The following PRDM6 variants were observed in gnomAD, a reference collection of about 807,000 sequenced individuals.
PRDM6 encodes the protein PR/SET domain 6.
Under a neutral mutation model 60.8 loss-of-function variants are expected in PRDM6, and 25 were observed. The ratio of observed to expected loss-of-function variants is 0.41; its 90% confidence interval spans 0.30 to 0.57. The LOEUF (loss-of-function observed/expected upper bound fraction) is 0.57, where lower values mean the gene tolerates loss of function less well. Among genes scored for constraint, PRDM6 ranks in the 20% least tolerant of loss-of-function variants. The probability of loss-of-function intolerance (pLI) is 0.27; values close to 1 mark genes in which losing one functional copy is unlikely to be tolerated. For missense variants in PRDM6, 839 were observed against 821.3 expected, an observed-to-expected ratio of 1.02 and a Z score of -0.26; for synonymous variants, 407 against 357.4, an observed-to-expected ratio of 1.14 and a Z score of -1.57.
intron 3 of PRDM6, among the ~76,000 whole-genome samples, chr5:123,134,313 A>G (rs868277605): frequency 5.3e-5 from 8 of 152,156 alleles, no homozygotes; most frequent in Middle Eastern, 3.2e-3. Flanking sequence ...ACCGAAAAGA[A>G]TGTGAATGCA....
At chr5:123,149,762 AAACTATT>A (rs1765331694) in intron 3 of PRDM6, among the ~76,000 whole-genome samples, 1 of 152,240 alleles carries the variant, frequency 6.6e-6, no homozygotes. Flanking sequence ...GATAAAATAT[AAACTATT>A]AACACGTCAA....
chr5:123,114,139 T>TAG (rs1764378235), intron 3 of PRDM6, among the ~76,000 whole-genome samples: 1 of 152,178 alleles, frequency 6.6e-6, no homozygotes, highest in African/African-American at 2.4e-5. Context: ...CTGGAGAACA[T>TAG]AGATGGCTAA....
rs142412847 is a variant in PRDM6, at chr5:123,177,112, G to T, written c.1497-3035G>T. Among the ~76,000 whole-genome samples, 269 of 152,304 alleles carry T rather than the reference G, an allele frequency of 1.8e-3. 2 individuals carry two copies. Among genetic ancestry groups the T allele is most frequent in the African/African-American group, 6.2e-3 (259 of 41,574 alleles). ...CCTGAGATTCCAAAGTGATGAAAAT[G>T]TTTCCTAAGCTCTGCTGTTGGGCCT... On this transcript the variant is annotated intron_variant, in intron 6 of 7. Transcript: ENST00000407847.
intron 3 of PRDM6, among the ~76,000 whole-genome samples, chr5:123,151,367 C>T (rs552714745): frequency 2.6e-5 from 4 of 152,252 alleles, no homozygotes; most frequent in African/African-American, 7.2e-5. Context: ...GGAGCAGATT[C>T]ATGATTAAGT....
At chr5:123,178,477 C>T (rs1009325033) in intron 6 of PRDM6, among the ~76,000 whole-genome samples, 8 of 152,122 alleles carry the variant, frequency 5.3e-5, no homozygotes, top group Admixed American at 2.0e-4. Flanking sequence ...ACATTTTCAT[C>T]TACATATAAT....
intron 2 of PRDM6, among the ~76,000 whole-genome samples, chr5:123,095,041 A>T (rs1763926629): frequency 6.6e-6 from 1 of 152,128 alleles, no homozygotes; most frequent in Non-Finnish European, 1.5e-5. Context: ...AGAGTTCCTG[A>T]GAGAATTCCC....
chr5:123,169,060 G>T (rs1765825111), intron 5 of PRDM6, among the ~76,000 whole-genome samples: 1 of 152,250 alleles, frequency 6.6e-6, no homozygotes, highest in African/African-American at 2.4e-5. Context: ...TGAACTGGTG[G>T]CCAGTGGCCA....
At chr5:123,186,423 T>G (rs1303307047) in intron 7 of PRDM6, among the ~76,000 whole-genome samples, 1 of 152,212 alleles carries the variant, frequency 6.6e-6, no homozygotes, top group Non-Finnish European at 1.5e-5. Context: ...TGTGACATTT[T>G]CTCCTCATCA....
intron 3 of PRDM6, among the ~76,000 whole-genome samples, chr5:123,154,314 A>G (rs1580523110): frequency 6.6e-6 from 1 of 152,306 alleles, no homozygotes; most frequent in Non-Finnish European, 1.5e-5. Flanking sequence ...TAAAGAAGTC[A>G]TTAGCCTTAA....
intron 6 of PRDM6, among the ~76,000 whole-genome samples, chr5:123,179,565 G>C (rs2126889633): frequency 6.6e-6 from 1 of 152,298 alleles, no homozygotes; most frequent in South Asian, 2.1e-4. Flanking sequence ...TTGCTGACTT[G>C]CCTGTGTGTT....
At position 123,190,888 on chromosome 5, in the gene PRDM6, T is replaced by G. The variant is rs1306624442; in HGVS notation, c.*3687T>G. On this transcript the variant is annotated 3_prime_UTR_variant, in exon 8 of 8. Transcript: ENST00000407847. ...CTAGTAAAATGGGTATTTTAGTCCT[T>G]TAGACCATTGTCTCAGTGAAGTTAA... 1 of 152,220 alleles carries G rather than the reference T, an allele frequency of 6.6e-6. No individual in the cohort carries two copies. Among genetic ancestry groups the G allele is most frequent in the Non-Finnish European group, 1.5e-5 (1 of 68,040 alleles). 9.4% of individuals were successfully genotyped at this position (152,220 alleles called of 1,614,324 possible).
At chr5:123,114,375 C>A (rs1296980375) in intron 3 of PRDM6, among the ~76,000 whole-genome samples, 1 of 152,194 alleles carries the variant, frequency 6.6e-6, no homozygotes, top group Non-Finnish European at 1.5e-5. Context: ...TTATTCTGGT[C>A]AACCCATCTC....
At chr5:123,123,074 T>C (rs912680581) in intron 3 of PRDM6, among the ~76,000 whole-genome samples, 23 of 152,230 alleles carry the variant, frequency 1.5e-4, no homozygotes, top group Admixed American at 7.2e-4. Context: ...AAAATACTTA[T>C]ATATTTTAAA....
intron 6 of PRDM6, 49 bp downstream of exon 6, chr5:123,171,157 C>A (rs1485970406): frequency 7.0e-7 from 1 of 1,426,978 alleles, no homozygotes; most frequent in Non-Finnish European, 9.4e-7. Flanking sequence ...GTGAGACCCA[C>A]TGCTTGCCTT....
chr5:123,180,084 G>T, intron 6 of PRDM6, 63 bp from the exon 7 acceptor site: 1 of 1,435,008 alleles, frequency 7.0e-7, no homozygotes, highest in Admixed American at 2.6e-5. Flanking sequence ...CTTGTCATAT[G>T]ATTCTGACTT....
At chr5:123,181,628 G>C (rs1766164301) in intron 7 of PRDM6, among the ~76,000 whole-genome samples, 1 of 152,148 alleles carries the variant, frequency 6.6e-6, no homozygotes. Flanking sequence ...AAAGAGCATA[G>C]AGTTACCGCC....
intron 3 of PRDM6, among the ~76,000 whole-genome samples, chr5:123,120,399 C>G (rs1764554832): frequency 1.3e-5 from 2 of 152,176 alleles, no homozygotes; most frequent in South Asian, 4.1e-4. Context: ...CCTCTGGAGG[C>G]AGCGTCACAC....
chr5:123,095,112 A>G (rs562671822), intron 2 of PRDM6, among the ~76,000 whole-genome samples: 109 of 152,298 alleles, frequency 7.2e-4, no homozygotes, highest in Admixed American at 2.4e-3. Context: ...TCCGGCGGCC[A>G]GGCAAACCTG....
intron 5 of PRDM6, among the ~76,000 whole-genome samples, chr5:123,160,718 A>G (rs1017838236): frequency 3.3e-5 from 5 of 152,196 alleles, no homozygotes; most frequent in African/African-American, 4.8e-5. Context: ...ATTACTATCA[A>G]CTTTCCTTTT....
Sources: gnomAD v4.1 joint callset for allele counts (sites outside exome capture counted in the v4.1 genomes callset) on GRCh38, gnomAD v4.1.1 for gene constraint, MANE v1.5 for transcripts, NCBI Gene and HGNC (gene_info 2026-07-23, HGNC 2026-07-21) for gene names.